The following OSBPL3 variants were observed in gnomAD, a reference collection of about 807,000 sequenced individuals.
The protein encoded by OSBPL3 is oxysterol-binding protein-related protein 3.
Under a neutral mutation model 120.1 loss-of-function variants are expected in OSBPL3, and 65 were observed. The ratio of observed to expected loss-of-function variants is 0.54; its 90% CI spans 0.44 to 0.67. The LOEUF (loss-of-function observed/expected upper bound fraction) is 0.67, where lower values mean the gene tolerates loss of function less well. OSBPL3 is among the 30% of genes least tolerant of loss of function. OSBPL3 has a pLI of 0.00. For missense variants in OSBPL3, 1,004 were observed against 1,082.1 expected, an observed-to-expected ratio of 0.93 and a Z score of 1.01; for synonymous variants, 416 against 402.6, an observed-to-expected ratio of 1.03 and a Z score of -0.40.
intron 2 of OSBPL3, among the ~76,000 whole-genome samples, chr7:24,875,726 A>G (rs189038166): frequency 1.3e-5 from 2 of 151,138 alleles, no homozygotes; most frequent in Non-Finnish European, 2.9e-5. Flanking sequence ...AAAAAATTAT[A>G]TATGTAATTT....
In OSBPL3 at chr7:24,833,287, G is replaced by A. The variant is rs1562793479; in HGVS notation, c.1746+1199C>T. Among the ~76,000 whole-genome samples, 1 of 152,302 alleles carries A rather than the reference G, an allele frequency of 6.6e-6. No individual in the cohort carries two copies. Among genetic ancestry groups the A allele is most frequent in the African/African-American group, 2.4e-5 (1 of 41,566 alleles). The stretch of plus-strand genomic sequence containing the variant: ...GGAGGCCAGGGCAGGAGGGTTGCTT[G>A]AGTCTAGGAGTTCGAGGTTGCAGTG... On this transcript the variant is annotated intron_variant, in intron 15 of 22. Coordinates refer to ENST00000313367, the MANE Select transcript of OSBPL3 (RefSeq NM_015550.4). The surrounding 1 kb of genome is among the most constrained non-coding windows in gnomAD (Gnocchi z 4.4).
At chr7:24,980,390 G>C (rs1035720935), upstream of OSBPL3, among the ~76,000 whole-genome samples, 15 of 152,012 alleles carry the variant, frequency 9.9e-5, no homozygotes, top group South Asian at 4.1e-4. Context: ...GGGGGAACTA[G>C]GGACCCCGGA....
chr7:24,848,840 T>C (rs1474668836), intron 12 of OSBPL3, among the ~76,000 whole-genome samples: 1 of 148,320 alleles, frequency 6.7e-6, no homozygotes, highest in African/African-American at 2.5e-5. Context: ...AAAAAGAGAG[T>C]TCTGGGGAAG....
At position 24,830,130 on chromosome 7, in the gene OSBPL3, T is replaced by C. The variant is rs757785470; in HGVS notation, c.1884+638A>G. On this transcript the variant is annotated intron_variant, in intron 16 of 22. Coordinates refer to ENST00000313367, the MANE Select transcript of OSBPL3 (RefSeq NM_015550.4). The surrounding 1 kb of genome is among the most constrained non-coding windows in gnomAD (Gnocchi z 4.4). ...TCCTGGGCTGTCTGAAGCCTGAGTA[T>C]TACTCTATGCTACTTCTATGGCAAG... Among the ~76,000 whole-genome samples the C allele has an allele frequency of 6.6e-6, 1 of 152,168 alleles. No individual in the cohort carries two copies. The highest frequency in any genetic ancestry group is 1.5e-5 in the Non-Finnish European group (1 of 68,036).
chr7:24,872,480 TG>T lies in OSBPL3; in HGVS notation c.97-412del, dbSNP rs1802296212. 6.6e-6 allele frequency among the ~76,000 whole-genome samples: 1 copy of T among 151,002 alleles called. No individual in the cohort carries two copies. Among genetic ancestry groups the T allele is most frequent in the Non-Finnish European group, 1.5e-5 (1 of 67,742 alleles). Reference sequence around the variant, plus strand: ...GTGTGTGTGTGTGTGTGTGTGTGTGTGTGTGTGGTGTTGGGGGAAGGAAGTT... The same window carrying T: ...GTGTGTGTGTGTGTGTGTGTGTGTGTTGTGTGGTGTTGGGGGAAGGAAGTT... On this transcript the variant is annotated intron_variant, in intron 2 of 22. Coordinates refer to ENST00000313367, the MANE Select transcript of OSBPL3 (RefSeq NM_015550.4). The surrounding 1 kb of genome is among the most constrained non-coding windows in gnomAD (Gnocchi z 4.1).
At position 24,822,854 on chromosome 7, in the gene OSBPL3, G is replaced by A. The variant is rs752057764; in HGVS notation, c.1885-2616C>T. ...CTATTGTGTTAGATAATGAATGAAT[G>A]TTTAGCAGATTATGTTTAGATGGGT... On this transcript the variant is annotated intron_variant, in intron 16 of 22. Transcript: ENST00000313367. The surrounding 1 kb of genome is among the most constrained non-coding windows in gnomAD (Gnocchi z 5.8). Among the ~76,000 whole-genome samples the A allele has an allele frequency of 1.1e-4, 16 of 152,116 alleles. No individual in the cohort carries two copies. Among genetic ancestry groups the A allele is most frequent in the Non-Finnish European group, 1.9e-4 (13 of 68,034 alleles).
Position 24,918,496 on chromosome 7 carries a change from A to G in OSBPL3, c.-149-25875T>C, listed in dbSNP as rs1809999779. ...ACTAAGTCAGCTGGATAAACTACTC[A>G]TGAAAATCTTGTGGAAAATACCTCA... On this transcript the variant is annotated intron_variant, in intron 1 of 22. Transcript: ENST00000313367. The surrounding 1 kb of genome is among the most constrained non-coding windows in gnomAD (Gnocchi z 4.3). 6.6e-6 allele frequency among the ~76,000 whole-genome samples: 1 copy of G among 152,246 alleles called. No homozygotes were observed. The highest frequency in any genetic ancestry group is 2.1e-4 in the South Asian group (1 of 4,836).
In OSBPL3 at chr7:24,824,623, C is replaced by A. The variant is rs2128151139; in HGVS notation, c.1885-4385G>T. On this transcript the variant is annotated intron_variant, in intron 16 of 22. Transcript: ENST00000313367. This position sits in a 1 kb window ranked among gnomAD's most constrained non-coding sequence, Gnocchi z 4.9. The stretch of plus-strand genomic sequence containing the variant: ...TCACTCATCAAGTACTTATTGATTG[C>A]CTGTGATGTGTCAGGCACCGTCCTA... 6.6e-6 allele frequency among the ~76,000 whole-genome samples: 1 copy of A among 152,282 alleles called. No homozygotes were observed. The highest frequency in any genetic ancestry group is 6.5e-5 in the Admixed American group (1 of 15,294).
intron 5 of OSBPL3, among the ~76,000 whole-genome samples, chr7:24,870,213 G>A (rs1164239688): frequency 6.6e-6 from 1 of 152,158 alleles, no homozygotes; most frequent in Non-Finnish European, 1.5e-5. Flanking sequence ...ACCACCTGTA[G>A]GAGAGACAGC....
intron 1 of OSBPL3, among the ~76,000 whole-genome samples, chr7:24,973,263 C>T (rs551168602): frequency 6.6e-6 from 1 of 152,252 alleles, no homozygotes; most frequent in South Asian, 2.1e-4. Context: ...ATATTTTTTT[C>T]ATAAGTAAAC....
chr7:24,828,606 G>GAAAAAACAA (rs1491571662), intron 16 of OSBPL3, among the ~76,000 whole-genome samples: 1 of 32,522 alleles, frequency 3.1e-5, no homozygotes, highest in Non-Finnish European at 5.3e-5. Flanking sequence ...GACTCTGTCT[G>GAAAAAACAA]AAAAAAAAAA....
rs1421638871 is a variant in OSBPL3 at position 24,896,954 on chromosome 7, C to A, written c.-149-4333G>T. Among the ~76,000 whole-genome samples the A allele has an allele frequency of 6.6e-6, 1 of 151,984 alleles. No homozygotes were observed. Among genetic ancestry groups the A allele is most frequent in the Non-Finnish European group, 1.5e-5 (1 of 68,006 alleles). On this transcript the variant is annotated intron_variant, in intron 1 of 22. Transcript: ENST00000313367. The surrounding 1 kb of genome is among the most constrained non-coding windows in gnomAD (Gnocchi z 4.4). ...GAGCATGGTGGTGCATGCCTGTAGTCCCAGCTACTCAGGAGGCTGAGGCAG... is the reference window on the plus strand; with the variant it reads ...GAGCATGGTGGTGCATGCCTGTAGTACCAGCTACTCAGGAGGCTGAGGCAG...
intron 1 of OSBPL3, among the ~76,000 whole-genome samples, chr7:24,901,736 T>C (rs1029229180): frequency 1.3e-5 from 2 of 152,174 alleles, no homozygotes; most frequent in South Asian, 2.1e-4. Flanking sequence ...AGGACCAGGG[T>C]TGACAAGGTG....
chr7:24,864,317 A>G (rs531606585), intron 7 of OSBPL3, among the ~76,000 whole-genome samples: 1 of 152,320 alleles, frequency 6.6e-6, no homozygotes, highest in African/African-American at 2.4e-5. Context: ...ACACTTTGAT[A>G]TCATCAGAAC....
In OSBPL3 at chr7:24,852,467, C is replaced by A; in HGVS notation, c.1158+37G>T. On this transcript the variant is annotated intron_variant, in intron 11 of 22. Transcript: ENST00000313367. This position sits in a 1 kb window ranked among gnomAD's most constrained non-coding sequence, Gnocchi z 4.1. ...TACAAACCATTCATGAGCCTGGACA[C>A]ATCTCAGGCATTCCTGGAGGCAGAC... 1 of 1,514,150 alleles carries A rather than the reference C, an allele frequency of 6.6e-7. No individual in the cohort carries two copies. The highest frequency in any genetic ancestry group is 2.4e-5 in the Admixed American group (1 of 41,134). The allele number at this position is 1,514,150 out of a possible 1,614,324, so 93.8% of individuals were successfully genotyped here.
At chr7:24,864,424 A>G (rs2128257728) in intron 7 of OSBPL3, among the ~76,000 whole-genome samples, 1 of 152,306 alleles carries the variant, frequency 6.6e-6, no homozygotes, top group South Asian at 2.1e-4. Context: ...CATTGCTGAT[A>G]AGTTCCCGGG....
rs1039043317 is a variant in OSBPL3, at chr7:24,972,649, T to C, written c.-150+7237A>G. ...ACGTATGAGCAAAAATCTTAGCGCATGCTTTAATTCTAGGGAGGCATCTAC... is the reference window on the plus strand; with the variant it reads ...ACGTATGAGCAAAAATCTTAGCGCACGCTTTAATTCTAGGGAGGCATCTAC... On this transcript the variant is annotated intron_variant, in intron 1 of 22. Transcript: ENST00000313367. This position sits in a 1 kb window ranked among gnomAD's most constrained non-coding sequence, Gnocchi z 4.3. 4.6e-5 allele frequency among the ~76,000 whole-genome samples: 7 copies of C among 152,242 alleles called. No homozygotes were observed. The highest frequency in any genetic ancestry group is 1.4e-4 in the African/African-American group (6 of 41,470).
chr7:24,960,565 C>A (rs1815607227), intron 1 of OSBPL3, among the ~76,000 whole-genome samples: 2 of 151,890 alleles, frequency 1.3e-5, no homozygotes, highest in Admixed American at 1.3e-4. Flanking sequence ...ACAGGCACTC[C>A]GAGACAGATG....
In OSBPL3 at chr7:24,940,305, T is replaced by C. The variant is rs1445194021; in HGVS notation, c.-150+39581A>G. The stretch of plus-strand genomic sequence containing the variant: ...GTACAAAGACAGAAGAAGTGGACTG[T>C]TGTGTTGAAACACAGTTGGAGAAAG... On this transcript the variant is annotated intron_variant, in intron 1 of 22. Transcript: ENST00000313367. The surrounding 1 kb of genome is among the most constrained non-coding windows in gnomAD (Gnocchi z 4.4). Among the ~76,000 whole-genome samples the C allele has an allele frequency of 6.6e-6, 1 of 152,198 alleles. No homozygotes were observed. Among genetic ancestry groups the C allele is most frequent in the Non-Finnish European group, 1.5e-5 (1 of 68,034 alleles).
Sources: allele counts gnomAD v4.1 joint callset (sites outside exome capture counted in the v4.1 genomes callset), GRCh38; gene constraint gnomAD v4.1.1; non-coding constraint Gnocchi (gnomAD v3.1); transcripts MANE v1.5; gene names NCBI Gene and HGNC (gene_info 2026-07-23, HGNC 2026-07-21).